SI: variants seen among roughly 807,000 people sequenced by gnomAD.
SI encodes the protein sucrase-isomaltase, also known as sucrase-isomaltase, intestinal.
In SI, 235 loss-of-function variants were observed where a neutral mutation model predicts 253.3. The observed-to-expected ratio is 0.93, with a 90% CI of 0.83 to 1.03. The LOEUF is 1.03. SI is among the 50% of genes least tolerant of loss of function. SI has a pLI of 0.00. For missense variants in SI, 2,442 were observed against 2,211.1 expected (o/e 1.10, Z -2.09); for synonymous variants, 819 against 712.0 (o/e 1.15, Z -2.39).
intron 18 of SI, 117 bp downstream of exon 18, chr3:165,040,823 G>A (rs1194044304): frequency 3.5e-5 from 28 of 790,236 alleles, no homozygotes; most frequent in Non-Finnish European, 5.6e-5. Context: ...TTACACCAAT[G>A]TAAAAACAAG....
chr3:165,053,932 T>C (rs1713560784), intron 13 of SI, among the ~76,000 whole-genome samples: 1 of 152,022 alleles, frequency 6.6e-6, no homozygotes, highest in Admixed American at 6.6e-5. Flanking sequence ...TTATTAGTGG[T>C]GTGATATCAC....
intron 12 of SI, among the ~76,000 whole-genome samples, chr3:165,057,812 ACACCAGACAAGTC>A (rs765980072): frequency 1.8e-4 from 27 of 152,112 alleles, no homozygotes; most frequent in Non-Finnish European, 3.4e-4. Flanking sequence ...GATTTCATCA[ACACCAGACAAGTC>A]CTATAAGATA....
chr3:165,076,069 A>G, intron 1 of SI, 57 bp from the exon 2 acceptor site: 11 of 1,192,326 alleles, frequency 9.2e-6, no homozygotes, highest in Non-Finnish European at 1.3e-5. Context: ...ATAATAAACC[A>G]CCAACAATTC....
rs369090976 is a variant in SI at position 165,030,877 on chromosome 3, C to A, written c.2737-10G>T. Reference sequence around the variant, plus strand: ...CTGCAATTAGGAGAACCTTTGAAGACAAAAAAAAAAAAAGAAAAAAAGAAA... The same window carrying A: ...CTGCAATTAGGAGAACCTTTGAAGAAAAAAAAAAAAAAAGAAAAAAAGAAA... On this transcript the variant is annotated splice_polypyrimidine_tract_variant and intron_variant, in intron 24 of 47. Coordinates refer to ENST00000264382, the MANE Select transcript of SI (RefSeq NM_001041.4). The A allele has an allele frequency of 0.015, 18,298 of 1,214,804 alleles. 5 individuals carry two copies. Among genetic ancestry groups the A allele is most frequent in the South Asian group, 0.059 (3,084 of 51,934 alleles). 75.3% of individuals were successfully genotyped at this position (1,214,804 alleles called of 1,614,324 possible).
chr3:164,997,186 A>G (rs189361849), intron 38 of SI, among the ~76,000 whole-genome samples: 2 of 151,876 alleles, frequency 1.3e-5, no homozygotes, highest in African/African-American at 2.4e-5. Flanking sequence ...AAACTGAACC[A>G]TTCTTATTAA....
rs1202000214 is a variant in SI, at chr3:165,077,058, A to C, written c.1-1046T>G. 2.0e-5 allele frequency among the ~76,000 whole-genome samples: 3 copies of C among 151,054 alleles called. No individual in the cohort carries two copies. In the East Asian group the frequency reaches 5.8e-4, roughly 29 times the overall value. On this transcript the variant is annotated intron_variant, in intron 1 of 47. Coordinates refer to ENST00000264382, the MANE Select transcript of SI (RefSeq NM_001041.4). ...TCATGTACCCAGTTGTCCCAACCTAAACACCTTTTTTTCCTTCTTCCATAT... is the reference window on the plus strand; with the variant it reads ...TCATGTACCCAGTTGTCCCAACCTACACACCTTTTTTTCCTTCTTCCATAT...
intron 3 of SI, among the ~76,000 whole-genome samples, chr3:165,074,254 A>G (rs1714794289): frequency 6.6e-6 from 1 of 152,034 alleles, no homozygotes; most frequent in Non-Finnish European, 1.5e-5. Flanking sequence ...AGTAGATTTG[A>G]GATGACAGAA....
intron 3 of SI, among the ~76,000 whole-genome samples, chr3:165,070,256 G>A: frequency 7.1e-6 from 1 of 139,890 alleles, no homozygotes; most frequent in African/African-American, 2.8e-5. Flanking sequence ...TTATTTTTAT[G>A]TATAATAAAT....
intron 37 of SI, among the ~76,000 whole-genome samples, chr3:165,004,577 T>C (rs1718412622): frequency 6.6e-6 from 1 of 152,090 alleles, no homozygotes; most frequent in Non-Finnish European, 1.5e-5. Flanking sequence ...AAAGTAAATA[T>C]GGTACATATA....
At chr3:165,089,708 G>C in the SI span, among the ~76,000 whole-genome samples, 2 of 152,054 alleles carry the variant, frequency 1.3e-5, no homozygotes, top group African/African-American at 2.4e-5. Context: ...GATGAGGCTG[G>C]GACTGTGGTC....
intron 34 of SI, among the ~76,000 whole-genome samples, chr3:165,012,368 TTTA>T (rs1300030652): frequency 4.0e-4 from 61 of 152,156 alleles, no homozygotes; most frequent in African/African-American, 1.4e-3. Flanking sequence ...TGAATAAACA[TTTA>T]TTAAGAGGGT....
In SI at chr3:165,049,831, T is replaced by A. The variant is rs1713335756; in HGVS notation, c.1557A>T (p.Gly519=). Residue 519 remains glycine, a synonymous_variant, in exon 14 of 48, where the codon GGA becomes GGT. Coordinates refer to ENST00000264382, the MANE Select transcript of SI (RefSeq NM_001041.4). The part of the protein sequence containing the change: ...VSSFIQGSTK[G]CNVNKLNYPP... Reference sequence around the variant, plus strand: ...GATAATTCAATTTGTTTACATTACATCCTTTTGTTGAACCTTGAATAAAGC... The same window carrying A: ...GATAATTCAATTTGTTTACATTACAACCTTTTGTTGAACCTTGAATAAAGC... The A allele has an allele frequency of 2.5e-6, 4 of 1,609,012 alleles. No homozygotes were observed. Among genetic ancestry groups the A allele is most frequent in the Non-Finnish European group, 3.4e-6 (4 of 1,176,142 alleles).
intron 37 of SI, among the ~76,000 whole-genome samples, chr3:165,000,911 G>A (rs1362580507): frequency 6.6e-6 from 1 of 150,992 alleles, no homozygotes; most frequent in Non-Finnish European, 1.5e-5. Context: ...ATTGCCTACA[G>A]GAGCATTTTC....
Position 164,991,362 on chromosome 3 carries a change from G to T in SI, c.5099C>A (p.Thr1700Lys), listed in dbSNP as rs145773793. The T allele has an allele frequency of 6.2e-7, 1 of 1,613,706 alleles. No individual in the cohort carries two copies. Among genetic ancestry groups the T allele is most frequent in the Non-Finnish European group, 8.5e-7 (1 of 1,179,730 alleles). ...TAAACAGTTCACTTACCTGTAAAAT[G>T]TGTTTTGAGCTGGCTCTTGACATGG... ...ILPCQEPAQN[T>K]FYSRQKHMKL... Residue 1700 changes from threonine to lysine, a missense_variant, in exon 44 of 48, where the codon ACA (threonine) becomes AAA (lysine). By Grantham distance (78) the Thr-to-Lys change is moderately conservative. Transcript: ENST00000264382.
At chr3:165,051,208 C>T (rs1200589425) in intron 13 of SI, among the ~76,000 whole-genome samples, 1 of 151,874 alleles carries the variant, frequency 6.6e-6, no homozygotes, top group African/African-American at 2.4e-5. Context: ...TCAAAATATT[C>T]TCATAAAAGT....
rs1320209615 is a variant in SI at position 165,035,104 on chromosome 3, G to T, written c.2515+1285C>A. Among the ~76,000 whole-genome samples, 4 of 151,938 alleles carry T rather than the reference G, an allele frequency of 2.6e-5. No individual in the cohort carries two copies. The Admixed American group carries it at 2.6e-4, about 10-fold the overall frequency. On this transcript the variant is annotated intron_variant, in intron 22 of 47. Coordinates refer to ENST00000264382, the MANE Select transcript of SI (RefSeq NM_001041.4). ...TGACAAAGGGAACACGATAGATGGAGCAGATACATGGTGGTAAGATCCAAG... is the reference window on the plus strand; with the variant it reads ...TGACAAAGGGAACACGATAGATGGATCAGATACATGGTGGTAAGATCCAAG...
chr3:165,002,126 C>T (rs1181405469), intron 37 of SI, among the ~76,000 whole-genome samples: 1 of 151,534 alleles, frequency 6.6e-6, no homozygotes, highest in African/African-American at 2.4e-5. Context: ...ATCTTTAAAG[C>T]TTTTGGTAAA....
chr3:164,998,808 T>A, intron 37 of SI, 135 bp from the exon 38 acceptor site: 5 of 750,340 alleles, frequency 6.7e-6, no homozygotes, highest in South Asian at 6.3e-5. Context: ...TGGCTCTTGA[T>A]AAGTTTGTCT....
chr3:165,058,257 A>C (rs1265723941), intron 12 of SI, among the ~76,000 whole-genome samples: 1 of 151,984 alleles, frequency 6.6e-6, no homozygotes, highest in Admixed American at 6.6e-5. Context: ...TGGAAACACA[A>C]TGTACCAAAG....
Sources: gnomAD v4.1 joint callset for allele counts (sites outside exome capture counted in the v4.1 genomes callset) on GRCh38, gnomAD v4.1.1 for gene constraint, MANE v1.5 for transcripts, NCBI Gene and HGNC (gene_info 2026-07-23, HGNC 2026-07-21) for gene names.